ITM2C: variants seen among roughly 807,000 people sequenced by gnomAD.
The protein encoded by ITM2C is integral membrane protein 2C, also known as BRICHOS domain containing 2C.
A neutral mutation model predicts 30.0 loss-of-function variants in ITM2C; 20 were observed. The observed-to-expected ratio is 0.67, with a 90% CI of 0.47 to 0.97. The LOEUF (loss-of-function observed/expected upper bound fraction) is 0.97, where lower values mean the gene tolerates loss of function less well. Among genes scored for constraint, ITM2C ranks in the 50% least tolerant of loss-of-function variants. The pLI is 0.00. For synonymous variants in ITM2C, 167 were observed against 156.4 expected (o/e 1.07, Z -0.51); for missense variants, 366 against 371.9 (o/e 0.98, Z 0.13).
At chr2:230,874,740 G>C (rs1325579913) in intron 2 of ITM2C, among the ~76,000 whole-genome samples, 1 of 152,178 alleles carries the variant, frequency 6.6e-6, no homozygotes, top group African/African-American at 2.4e-5. Flanking sequence ...GAATCCTGCC[G>C]ATCCCAGGCC....
At chr2:230,876,545 G>A (rs369936119) in intron 3 of ITM2C, among the ~76,000 whole-genome samples, 6 of 152,068 alleles carry the variant, frequency 3.9e-5, no homozygotes, top group East Asian at 1.9e-4. Flanking sequence ...GCAGTGGCAC[G>A]ATCTCGGCTC....
chr2:230,873,571 C>A lies in ITM2C; in HGVS notation c.261+14C>A, dbSNP rs375457204. ...TTCCTTGCGCAGGTGAGGGGCCGGG[C>A]CAGGTAGGGGCAAGGCCTCGAGAAA... On this transcript the variant is annotated intron_variant, in intron 2 of 5. Coordinates refer to ENST00000326427, the MANE Select transcript of ITM2C (RefSeq NM_030926.6). 5.6e-6 allele frequency: 9 copies of A among 1,594,108 alleles called. No homozygotes were observed. In the East Asian group the frequency reaches 1.4e-4, roughly 25 times the overall value.
In ITM2C at chr2:230,864,968, C is replaced by A. The variant is rs1696985618; in HGVS notation, c.-58C>A. 2.2e-6 allele frequency: 3 copies of A among 1,375,076 alleles called. No homozygotes were observed. The highest frequency in any genetic ancestry group is 1.9e-4 in the Middle Eastern group (1 of 5,202). 85.2% of individuals were successfully genotyped at this position (1,375,076 alleles called of 1,614,324 possible). A position where few individuals can be genotyped will look rare whatever the true frequency, so the allele number is the denominator to read the frequency against. ...CCTGCAGAGCTCGGAGCGGCGGAGG[C>A]AGAGACCGAGGCTGCACCGGCAGAG... On this transcript the variant is annotated 5_prime_UTR_variant, in exon 1 of 6. Transcript: ENST00000326427. The surrounding 1 kb of genome is among the most constrained non-coding windows in gnomAD (Gnocchi z 4.3).
intron 2 of ITM2C, 90 bp from the exon 3 acceptor site, chr2:230,875,530 T>A (rs3098337): frequency 4.4e-6 from 5 of 1,130,440 alleles, no homozygotes; most frequent in Admixed American, 4.7e-5. Context: ...TTTTGGGGCA[T>A]GTAGCGGACG....
intron 1 of ITM2C, among the ~76,000 whole-genome samples, chr2:230,871,134 C>T (rs1481592287): frequency 1.3e-5 from 2 of 152,254 alleles, no homozygotes; most frequent in African/African-American, 2.4e-5. Flanking sequence ...CCACATTTTG[C>T]ATGGGAGACC....
At chr2:230,869,478 G>A (rs1352530228) in intron 1 of ITM2C, among the ~76,000 whole-genome samples, 1 of 151,990 alleles carries the variant, frequency 6.6e-6, no homozygotes, top group Non-Finnish European at 1.5e-5. Context: ...TGGCCTCTGT[G>A]GTCTGGAGCC....
chr2:230,876,243 G>A lies in ITM2C; in HGVS notation c.450+435G>A, dbSNP rs117225244. ...CACAGGTTTCATAAATGCACAGCTG[G>A]GATGTTACCATGTTCCCCAAACCTC... is the stretch of plus-strand genomic sequence containing the variant. On this transcript the variant is annotated intron_variant, in intron 3 of 5. Coordinates refer to ENST00000326427, the MANE Select transcript of ITM2C (RefSeq NM_030926.6). 9.7e-4 allele frequency among the ~76,000 whole-genome samples: 148 copies of A among 152,294 alleles called. 1 individual carries two copies. In the East Asian group the frequency reaches 0.027, roughly 28 times the overall value.
In ITM2C at chr2:230,877,861, G is replaced by T; in HGVS notation, c.713-147G>T. On this transcript the variant is annotated intron_variant, in intron 5 of 5. Coordinates refer to ENST00000326427, the MANE Select transcript of ITM2C (RefSeq NM_030926.6). This position sits in a 1 kb window ranked among gnomAD's most constrained non-coding sequence, Gnocchi z 4.8. The stretch of plus-strand genomic sequence containing the variant: ...TGGGCAGGCTGACTCCAGCTTTCGA[G>T]CTCTCCCCATTTCTCACTGTGCTCT... The T allele has an allele frequency of 1.5e-6, 1 of 687,868 alleles. No individual in the cohort carries two copies. The highest frequency in any genetic ancestry group is 2.8e-5 in the East Asian group (1 of 36,330). 42.6% of individuals were successfully genotyped at this position (687,868 alleles called of 1,614,324 possible). A position where few individuals can be genotyped will look rare whatever the true frequency, so the allele number is the denominator to read the frequency against.
At chr2:230,870,675 G>A (rs1254241449) in intron 1 of ITM2C, among the ~76,000 whole-genome samples, 1 of 152,184 alleles carries the variant, frequency 6.6e-6, no homozygotes, top group Non-Finnish European at 1.5e-5. Flanking sequence ...AACCTCCCTC[G>A]GTGGGGCCTC....
chr2:230,866,317 C>T (rs974853606), intron 1 of ITM2C, among the ~76,000 whole-genome samples: 2 of 152,236 alleles, frequency 1.3e-5, no homozygotes, highest in African/African-American at 4.8e-5. Flanking sequence ...TCTTCCTGAA[C>T]GCCTAGCCCC....
chr2:230,868,444 A>G (rs1697084506), intron 1 of ITM2C, among the ~76,000 whole-genome samples: 1 of 135,126 alleles, frequency 7.4e-6, no homozygotes, highest in African/African-American at 2.8e-5. Flanking sequence ...TTCTCCCCAC[A>G]CCCTGCCTGT....
At chr2:230,872,816 C>G (rs545689402) in intron 1 of ITM2C, among the ~76,000 whole-genome samples, 2 of 152,166 alleles carry the variant, frequency 1.3e-5, no homozygotes, top group Non-Finnish European at 2.9e-5. Context: ...TCAGTCACAG[C>G]CTCCTTGGTG....
intron 1 of ITM2C, among the ~76,000 whole-genome samples, chr2:230,868,459 G>GCATTCACACA (rs553555961): frequency 0.04 from 4,394 of 110,774 alleles, 86 homozygotes; most frequent in African/African-American, 0.058. Flanking sequence ...GCCTGTGCCT[G>GCATTCACACA]CACTCACACA....
upstream of ITM2C, chr2:230,864,895 G>C (rs1189060172): frequency 1.8e-6 from 2 of 1,114,920 alleles, no homozygotes; most frequent in Non-Finnish European, 2.3e-6. The surrounding 1 kb of genome is among the most constrained non-coding windows in gnomAD (Gnocchi z 4.3). Context: ...GGGAGGGCTG[G>C]GGGTGGGGTT....
At chr2:230,868,646 C>A (rs1035905225) in intron 1 of ITM2C, among the ~76,000 whole-genome samples, 1 of 152,258 alleles carries the variant, frequency 6.6e-6, no homozygotes, top group Non-Finnish European at 1.5e-5. Flanking sequence ...CCTCCCCAGC[C>A]TGCATACCTG....
At chr2:230,867,959 C>G (rs924335757) in intron 1 of ITM2C, among the ~76,000 whole-genome samples, 6 of 152,054 alleles carry the variant, frequency 3.9e-5, no homozygotes, top group African/African-American at 1.4e-4. Flanking sequence ...ACACCCGGCC[C>G]AAAACAAGAT....
chr2:230,864,899 TG>T (rs1256171234), upstream of ITM2C: 2 of 1,072,884 alleles, frequency 1.9e-6, no homozygotes, highest in African/African-American at 3.5e-5. This position sits in a 1 kb window ranked among gnomAD's most constrained non-coding sequence, Gnocchi z 4.3. Context: ...GGGCTGGGGG[TG>T]GGGTTAGAGA....
At chr2:230,871,707 G>A (rs751027518) in intron 1 of ITM2C, among the ~76,000 whole-genome samples, 7 of 152,262 alleles carry the variant, frequency 4.6e-5, no homozygotes, top group Non-Finnish European at 7.3e-5. Context: ...GGGCAGACTT[G>A]AGTGTGAGGG....
chr2:230,875,150 C>A (rs577441648), intron 2 of ITM2C, among the ~76,000 whole-genome samples: 1 of 152,300 alleles, frequency 6.6e-6, no homozygotes, highest in Admixed American at 6.5e-5. Context: ...TCGTCCTTGA[C>A]CCCCTGCCAA....
Sources: allele counts gnomAD v4.1 joint callset (sites outside exome capture counted in the v4.1 genomes callset), GRCh38; gene constraint gnomAD v4.1.1; non-coding constraint Gnocchi (gnomAD v3.1); transcripts MANE v1.5; gene names NCBI Gene and HGNC (gene_info 2026-07-23, HGNC 2026-07-21).